The following GNA13 variants were observed in gnomAD, a reference collection of about 807,000 sequenced individuals.
GNA13 encodes G protein subunit alpha 13.
GNA13 carries 4 observed loss-of-function variants against 33.5 expected under a neutral mutation model. That is an observed-to-expected ratio of 0.12 (90% CI 0.06 to 0.27). The LOEUF is 0.27. Among genes scored for constraint, GNA13 ranks in the 10% least tolerant of loss-of-function variants. The pLI is 1.00. For missense variants in GNA13, 319 were observed against 487.2 expected (o/e 0.65, Z 3.25); for synonymous variants, 176 against 183.8 (o/e 0.96, Z 0.34).
chr17:65,038,220 T>C (rs568000400), intron 2 of GNA13, among the ~76,000 whole-genome samples: 1 of 152,100 alleles, frequency 6.6e-6, no homozygotes, highest in Non-Finnish European at 1.5e-5. Context: ...CTGGCCAATA[T>C]GATGAAACCC....
At chr17:65,015,662 TAAAAAAA>T (rs59210481) in intron 3 of GNA13, among the ~76,000 whole-genome samples, 1 of 74,702 alleles carries the variant, frequency 1.3e-5, no homozygotes, top group Non-Finnish European at 2.3e-5. Flanking sequence ...GACTTTGTCT[TAAAAAAA>T]AAAAAAAAAA....
chr17:65,019,640 T>C (rs1906512266), intron 2 of GNA13, among the ~76,000 whole-genome samples: 1 of 151,988 alleles, frequency 6.6e-6, no homozygotes, highest in South Asian at 2.1e-4. Context: ...CCCATGGAGA[T>C]AGAAAGAAGG....
chr17:65,014,632 G>C lies in GNA13; in HGVS notation c.759C>G (p.Asp253Glu), dbSNP rs1207069656. 1 of 1,613,886 alleles carries C rather than the reference G, an allele frequency of 6.2e-7. No individual in the cohort carries two copies. The highest frequency in any genetic ancestry group is 8.5e-7 in the Non-Finnish European group (1 of 1,179,902). Residue 253 changes from aspartate (D) to glutamate (E), a missense_variant, in exon 4 of 4, where the codon GAC becomes GAG. By Grantham distance (45) the Asp-to-Glu change is conservative. This residue lies in a region of GNA13 where 134 missense variants were observed against 241.3 expected (regional missense o/e 0.56). Transcript: ENST00000439174. This position sits in a 1 kb window ranked among gnomAD's most constrained non-coding sequence, Gnocchi z 5.3. ...ILFLVSSSEF[D>E]QVLMEDRLTN... ...TCAGTCGATCTTCCATAAGCACCTG[G>C]TCAAATTCACTTGAGGAAACAAGGA...
chr17:65,052,222 C>G (rs566187230), intron 2 of GNA13: 49 of 152,298 alleles, frequency 3.2e-4, no homozygotes, highest in African/African-American at 1.2e-3. Context: ...GGCACGAACT[C>G]GGCTTACCGC....
intron 2 of GNA13, among the ~76,000 whole-genome samples, chr17:65,045,182 A>G (rs906547690): frequency 1.3e-5 from 2 of 152,152 alleles, no homozygotes; most frequent in African/African-American, 4.8e-5. Flanking sequence ...AATCTCTTTC[A>G]GCTAACTGGT....
chr17:65,014,136 G>A lies in GNA13; in HGVS notation c.*121C>T, dbSNP rs1906282921. 1.6e-6 allele frequency: 1 copy of A among 645,006 alleles called. No individual in the cohort carries two copies. Among genetic ancestry groups the A allele is most frequent in the Non-Finnish European group, 2.7e-6 (1 of 373,412 alleles). The allele number at this position is 645,006 out of a possible 1,614,324, so 40.0% of individuals were successfully genotyped here. On this transcript the variant is annotated 3_prime_UTR_variant, in exon 4 of 4. Coordinates refer to ENST00000439174, the MANE Select transcript of GNA13 (RefSeq NM_006572.6). The surrounding 1 kb of genome is among the most constrained non-coding windows in gnomAD (Gnocchi z 5.3). ...GCAGAAAAAGTACTAAGATTTTCAA[G>A]AAGTTAAACGTAGAATTAAGATTGT...
At position 65,014,033 on chromosome 17, in the gene GNA13, T is replaced by A. The variant is rs776133508; in HGVS notation, c.*224A>T. ...AACTGGACTTGAATAGAAGCCATGG[T>A]GAAACAGATCAAAGCCTGCATTACA... is the stretch of plus-strand genomic sequence containing the variant. On this transcript the variant is annotated 3_prime_UTR_variant, in exon 4 of 4. Transcript: ENST00000439174. This position sits in a 1 kb window ranked among gnomAD's most constrained non-coding sequence, Gnocchi z 5.3. 3.9e-6 allele frequency: 2 copies of A among 511,228 alleles called. No individual in the cohort carries two copies. The highest frequency in any genetic ancestry group is 7.0e-6 in the Non-Finnish European group (2 of 287,430). The allele number at this position is 511,228 out of a possible 1,614,324, so 31.7% of individuals were successfully genotyped here.
rs1906197863 is a variant in GNA13 at position 65,011,797 on chromosome 17, T to TGA, written c.*2458_*2459dup. On this transcript the variant is annotated 3_prime_UTR_variant, in exon 4 of 4. Coordinates refer to ENST00000439174, the MANE Select transcript of GNA13 (RefSeq NM_006572.6). ...GGGGTAAGTTTGCATAGTGAAATTA[T>TGA]GAGCACCTTTTCAATTCTGTTCACT... 4.4e-6 allele frequency: 1 copy of TGA among 228,584 alleles called. No individual in the cohort carries two copies. Among genetic ancestry groups the TGA allele is most frequent in the African/African-American group, 2.2e-5 (1 of 45,118 alleles). The allele number at this position is 228,584 out of a possible 1,614,324, so 14.2% of individuals were successfully genotyped here.
At chr17:65,026,905 A>C (rs748373042) in intron 2 of GNA13, among the ~76,000 whole-genome samples, 11 of 152,056 alleles carry the variant, frequency 7.2e-5, no homozygotes, top group Non-Finnish European at 1.6e-4. Context: ...CAGCCTTCCA[A>C]GTAGCTGGGA....
intron 2 of GNA13, among the ~76,000 whole-genome samples, chr17:65,029,667 A>G (rs977526675): frequency 6.6e-6 from 1 of 152,184 alleles, no homozygotes; most frequent in East Asian, 1.9e-4. Flanking sequence ...ATGTAGTCCT[A>G]CATGTCAAAT....
chr17:65,035,940 G>A (rs1011817488), intron 2 of GNA13, among the ~76,000 whole-genome samples: 3 of 152,144 alleles, frequency 2.0e-5, no homozygotes, highest in Non-Finnish European at 2.9e-5. Context: ...ATAATACCCC[G>A]AAGTCCTCGT....
rs1906207085 is a variant in GNA13 at position 65,012,060 on chromosome 17, C to A, written c.*2197G>T. 4.4e-6 allele frequency: 1 copy of A among 228,638 alleles called. No homozygotes were observed. The highest frequency in any genetic ancestry group is 8.7e-6 in the Non-Finnish European group (1 of 115,294). The allele number at this position is 228,638 out of a possible 1,614,324, so 14.2% of individuals were successfully genotyped here. A position where few individuals can be genotyped will look rare whatever the true frequency, so the allele number is the denominator to read the frequency against. On this transcript the variant is annotated 3_prime_UTR_variant, in exon 4 of 4. Transcript: ENST00000439174. ...AAAGAATGTTGATTCTGAGACATTACATGCAGCAGGGAAGAAAACTGCAAA... is the reference window on the plus strand; with the variant it reads ...AAAGAATGTTGATTCTGAGACATTAAATGCAGCAGGGAAGAAAACTGCAAA...
chr17:65,049,293 T>C (rs1208312983), intron 2 of GNA13, among the ~76,000 whole-genome samples: 1 of 152,088 alleles, frequency 6.6e-6, no homozygotes, highest in Non-Finnish European at 1.5e-5. Context: ...GTTTTGGTTT[T>C]GGTTTTTGGT....
rs1906284585 is a variant in GNA13, at chr17:65,014,200, A to G, written c.*57T>C. ...GTAAACTGCTATTTTAAAAAACAAA[A>G]CAAACAGAAAACATCAAAAACACAA... On this transcript the variant is annotated 3_prime_UTR_variant, in exon 4 of 4. Transcript: ENST00000439174. The surrounding 1 kb of genome is among the most constrained non-coding windows in gnomAD (Gnocchi z 5.3). 9.6e-7 allele frequency: 1 copy of G among 1,043,116 alleles called. No individual in the cohort carries two copies. Among genetic ancestry groups the G allele is most frequent in the Admixed American group, 2.3e-5 (1 of 44,138 alleles). 64.6% of individuals were successfully genotyped at this position (1,043,116 alleles called of 1,614,324 possible). A position where few individuals can be genotyped will look rare whatever the true frequency, so the allele number is the denominator to read the frequency against.
intron 2 of GNA13, among the ~76,000 whole-genome samples, chr17:65,050,766 C>T (rs967176241): frequency 3.3e-5 from 5 of 152,052 alleles, no homozygotes; most frequent in African/African-American, 7.2e-5. Context: ...CAATGCTGAG[C>T]GTAGACTCAG....
chr17:65,034,642 C>T (rs1012609230), intron 2 of GNA13, among the ~76,000 whole-genome samples: 3 of 151,994 alleles, frequency 2.0e-5, no homozygotes, highest in Non-Finnish European at 2.9e-5. Flanking sequence ...GGAGTATTTC[C>T]GTAGTCCTAT....
At chr17:65,053,240 C>G in intron 2 of GNA13, 1 of 424,186 alleles carries the variant, frequency 2.4e-6, no homozygotes. Flanking sequence ...GAATGGGACT[C>G]AAGTCTAAAC....
chr17:65,031,195 T>A (rs1448199511), intron 2 of GNA13, among the ~76,000 whole-genome samples: 1 of 152,222 alleles, frequency 6.6e-6, no homozygotes. Flanking sequence ...TACAGCACGT[T>A]ACTGTACTGA....
At position 65,025,043 on chromosome 17, in the gene GNA13, C is replaced by G. The variant is rs956475779; in HGVS notation, c.511-6740G>C. 2.0e-5 allele frequency among the ~76,000 whole-genome samples: 3 copies of G among 152,098 alleles called. No homozygotes were observed. The East Asian group carries it at 5.8e-4, about 29-fold the overall frequency. ...TCCAGCGTAGGTGGGATTACAGGCA[C>G]TTGCTACCATGCCTGGCTAATTGTT... On this transcript the variant is annotated intron_variant, in intron 2 of 3. Coordinates refer to ENST00000439174, the MANE Select transcript of GNA13 (RefSeq NM_006572.6).
Sources: gnomAD v4.1 joint callset for allele counts (sites outside exome capture counted in the v4.1 genomes callset) on GRCh38, gnomAD v4.1.1 for gene constraint, gnomAD v4.1.1 regional missense constraint, Gnocchi (gnomAD v3.1) non-coding constraint, MANE v1.5 for transcripts, NCBI Gene and HGNC (gene_info 2026-07-23, HGNC 2026-07-21) for gene names.